Variants in TTC33 observed in about 807,000 individuals in gnomAD.
The protein encoded by TTC33 is tetratricopeptide repeat domain 33.
A neutral mutation model predicts 29.4 loss-of-function variants in TTC33; 24 were observed. The observed-to-expected ratio is 0.82, with a 90% CI of 0.59 to 1.15. The LOEUF (loss-of-function observed/expected upper bound fraction) is 1.15, where lower values mean the gene tolerates loss of function less well. Among genes scored for constraint, TTC33 ranks in the 50% most tolerant of loss-of-function variants. The pLI is 0.00. For missense variants in TTC33, 286 were observed against 310.4 expected (o/e 0.92, Z 0.59); for synonymous variants, 107 against 100.3 (o/e 1.07, Z -0.40).
intron 2 of TTC33, among the ~76,000 whole-genome samples, chr5:40,736,031 C>T (rs184524305): frequency 3.3e-5 from 5 of 151,924 alleles, no homozygotes; most frequent in East Asian, 1.9e-4. Flanking sequence ...CAAGAAGGAC[C>T]GAGAGAAAAG....
chr5:40,746,562 G>A (rs1338444469), intron 2 of TTC33, among the ~76,000 whole-genome samples: 1 of 151,970 alleles, frequency 6.6e-6, no homozygotes, highest in Non-Finnish European at 1.5e-5. Flanking sequence ...GGCAAAGCAG[G>A]GACATAATTA....
chr5:40,717,376 A>G (rs2111862042), intron 4 of TTC33, among the ~76,000 whole-genome samples: 1 of 152,320 alleles, frequency 6.6e-6, no homozygotes, highest in East Asian at 1.9e-4. Context: ...GAATTGGCAG[A>G]GCTGGGATGC....
rs748298033 is a variant in TTC33 at position 40,716,350 on chromosome 5, T to C, written c.584A>G (p.His195Arg). 2 of 1,614,186 alleles carry C rather than the reference T, an allele frequency of 1.2e-6. No individual in the cohort carries two copies. Among genetic ancestry groups the C allele is most frequent in the Non-Finnish European group, 1.7e-6 (2 of 1,180,024 alleles). Residue 195 changes from histidine to arginine, a missense_variant, in exon 5 of 5, where the codon CAC becomes CGC. Physicochemically the swap from His to Arg is conservative, Grantham distance 29. Transcript: ENST00000337702. ...GTCTGGAATTGACTTTGGTGAAAAG[T>C]GTGTTACTTCAGCTGGTGCTTCACT... ...KKSEAPAEVT[H>R]FSPKSIPDYD...
At chr5:40,733,920 G>A (rs974816756) in intron 2 of TTC33, among the ~76,000 whole-genome samples, 11 of 152,224 alleles carry the variant, frequency 7.2e-5, no homozygotes, top group African/African-American at 1.4e-4. Context: ...ACACACACAC[G>A]TGTAAACACA....
chr5:40,737,786 T>C (rs553752108), intron 2 of TTC33, among the ~76,000 whole-genome samples: 1 of 152,218 alleles, frequency 6.6e-6, no homozygotes, highest in African/African-American at 2.4e-5. Flanking sequence ...ATTTTTTCTG[T>C]CACTATGGAT....
intron 2 of TTC33, among the ~76,000 whole-genome samples, chr5:40,731,898 T>C (rs962620637): frequency 6.6e-6 from 1 of 152,364 alleles, no homozygotes; most frequent in East Asian, 1.9e-4. Context: ...GCAACACTTA[T>C]ATTTCCAAAG....
intron 2 of TTC33, among the ~76,000 whole-genome samples, chr5:40,738,359 G>A (rs1384672825): frequency 6.6e-6 from 1 of 151,460 alleles, no homozygotes; most frequent in East Asian, 1.9e-4. Flanking sequence ...AGGTTGCAGT[G>A]AGCTGAGATC....
intron 4 of TTC33, among the ~76,000 whole-genome samples, chr5:40,717,906 C>CA (rs751280567): frequency 2.0e-5 from 3 of 151,884 alleles, no homozygotes; most frequent in East Asian, 3.9e-4. Context: ...ACTAAAAATA[C>CA]AAAAAATTAG....
At chr5:40,741,144 T>A (rs1211515835) in intron 2 of TTC33, among the ~76,000 whole-genome samples, 1 of 152,242 alleles carries the variant, frequency 6.6e-6, no homozygotes, top group East Asian at 1.9e-4. Flanking sequence ...AGATGCTGAA[T>A]ATTTTAAATG....
At position 40,716,205 on chromosome 5, in the gene TTC33, TAC is replaced by T; in HGVS notation, c.727_728del (p.Val243AsnfsTer2). On this transcript the variant is annotated frameshift_variant, in exon 5 of 5. Transcript: ENST00000337702. LOFTEE classifies it high-confidence loss of function. ...GTGTAGCACCATCCTCCTTTTCAGT[TAC>T]AGTCTCTATGGCCCCAGAAGCAGAC... ...IVSASGAIETVTEKEDGATPP... is the reference protein window; with the variant it reads ...IVSASGAIETXTEKEDGATPP... 6.2e-7 allele frequency: 1 copy of T among 1,614,150 alleles called. No homozygotes were observed. The highest frequency in any genetic ancestry group is 8.5e-7 in the Non-Finnish European group (1 of 1,179,998).
At chr5:40,724,971 T>G (rs1483414255) in intron 4 of TTC33, among the ~76,000 whole-genome samples, 1 of 151,196 alleles carries the variant, frequency 6.6e-6, no homozygotes, top group African/African-American at 2.4e-5. Flanking sequence ...TCCTGCCTCC[T>G]GAGTAGCTGG....
intron 2 of TTC33, among the ~76,000 whole-genome samples, chr5:40,742,518 G>C (rs1742715987): frequency 6.6e-6 from 1 of 152,104 alleles, no homozygotes; most frequent in South Asian, 2.1e-4. Flanking sequence ...GCAGAACTAG[G>C]ATAAGAAACA....
At position 40,716,416 on chromosome 5, in the gene TTC33, G is replaced by A. The variant is rs139388593; in HGVS notation, c.518C>T (p.Thr173Met). ...IWKEDLSWAR[T>M]LQEQQKVAQR... ...TGCTACCTTCTGCTGCTCCTGGAGC[G>A]TTCTTGCCCAAGAGAGGTCTTCTTT... The change falls in exon 5 of 5, where the codon ACG becomes ATG. Residue 173 changes from threonine to methionine, a missense_variant. Physicochemically the swap from Thr to Met is moderately conservative, Grantham distance 81. Coordinates refer to ENST00000337702, the MANE Select transcript of TTC33 (RefSeq NM_012382.3). 3.2e-5 allele frequency: 51 copies of A among 1,613,846 alleles called. No individual in the cohort carries two copies. In the East Asian group the frequency reaches 8.2e-4, roughly 26 times the overall value.
At position 40,711,803 on chromosome 5, in the gene TTC33, A is replaced by G. The variant is rs1434769985; in HGVS notation, c.*4342T>C. Among the ~76,000 whole-genome samples, 3 of 152,132 alleles carry G rather than the reference A, an allele frequency of 2.0e-5. No individual in the cohort carries two copies. Among genetic ancestry groups the G allele is most frequent in the Admixed American group, 2.0e-4 (3 of 15,260 alleles). Reference sequence around the variant, plus strand: ...TTAAGCAAAAAAAAAGTCAGACACAAAAAGAGTGCATATTATATGGCCTAT... The same window carrying G: ...TTAAGCAAAAAAAAAGTCAGACACAGAAAGAGTGCATATTATATGGCCTAT... On this transcript the variant is annotated 3_prime_UTR_variant, in exon 5 of 5. Coordinates refer to ENST00000337702, the MANE Select transcript of TTC33 (RefSeq NM_012382.3).
At chr5:40,738,750 G>T (rs914608376) in intron 2 of TTC33, among the ~76,000 whole-genome samples, 5 of 152,014 alleles carry the variant, frequency 3.3e-5, no homozygotes, top group African/African-American at 1.2e-4. Context: ...CTAGTAACTA[G>T]GTAATAGTAT....
At chr5:40,738,338 C>A (rs1742599977) in intron 2 of TTC33, among the ~76,000 whole-genome samples, 1 of 151,602 alleles carries the variant, frequency 6.6e-6, no homozygotes, top group Non-Finnish European at 1.5e-5. Context: ...TTGCTTGAAC[C>A]CGGGAGGTGG....
intron 4 of TTC33, among the ~76,000 whole-genome samples, chr5:40,718,687 G>A (rs1019963130): frequency 5.9e-5 from 9 of 151,702 alleles, no homozygotes; most frequent in Admixed American, 3.9e-4. Flanking sequence ...GCAGTGAGCC[G>A]AGATTGCACC....
chr5:40,741,517 A>C (rs1561152776), intron 2 of TTC33, among the ~76,000 whole-genome samples: 1 of 152,132 alleles, frequency 6.6e-6, no homozygotes, highest in Non-Finnish European at 1.5e-5. Context: ...GACCTCATAG[A>C]CTTCTGGAGC....
At chr5:40,731,318 T>A (rs1207793404) in intron 2 of TTC33, among the ~76,000 whole-genome samples, 1 of 152,098 alleles carries the variant, frequency 6.6e-6, no homozygotes, top group Non-Finnish European at 1.5e-5. Flanking sequence ...GTTTTTATAG[T>A]CCCTACCCAC....
Sources: allele counts gnomAD v4.1 joint callset (sites outside exome capture counted in the v4.1 genomes callset), GRCh38; gene constraint gnomAD v4.1.1; transcripts MANE v1.5; gene names NCBI Gene and HGNC (gene_info 2026-07-23, HGNC 2026-07-21).